Variants in NELL1 observed in about 807,000 individuals in gnomAD.
NELL1 encodes the protein protein kinase C-binding protein NELL1.
A neutral mutation model predicts 107.4 loss-of-function variants in NELL1; 76 were observed. That is an observed-to-expected ratio of 0.71 (90% CI 0.59 to 0.86). NELL1 has a LOEUF of 0.86. Ranked by LOEUF, NELL1 falls within the 40% of genes least tolerant of loss-of-function variation. The pLI, the probability that NELL1 is intolerant of heterozygous loss-of-function variation, is 0.00. For synonymous variants in NELL1, 353 were observed against 341.2 expected (o/e 1.03, Z -0.38); for missense variants, 1,024 against 1,005.5 (o/e 1.02, Z -0.25).
chr11:20,833,466 T>C (rs79304580), intron 3 of NELL1, among the ~76,000 whole-genome samples: 1,525 of 152,320 alleles, frequency 0.01, 15 homozygotes, highest in African/African-American at 0.035. Flanking sequence ...CAGATATTAC[T>C]ATATTTATTC....
Position 20,798,277 on chromosome 11 carries a change from CT to C in NELL1, c.335+14451del, listed in dbSNP as rs527248657. 1.6e-3 allele frequency among the ~76,000 whole-genome samples: 245 copies of C among 152,286 alleles called. 1 individual carries two copies. Among genetic ancestry groups the C allele is most frequent in the Non-Finnish European group, 2.5e-3 (169 of 68,024 alleles). The stretch of plus-strand genomic sequence containing the variant: ...AGAAGAAATGAAGCTGTTCAGATGA[CT>C]TTTGACCTTAATTGAAGCCAAGAAG... On this transcript the variant is annotated intron_variant, in intron 3 of 19. Coordinates refer to ENST00000357134, the MANE Select transcript of NELL1 (RefSeq NM_006157.5).
At chr11:20,718,407 G>A (rs1367377241) in intron 2 of NELL1, among the ~76,000 whole-genome samples, 5 of 151,998 alleles carry the variant, frequency 3.3e-5, no homozygotes, top group Admixed American at 3.3e-4. Context: ...TAGCATATGG[G>A]GAGAAACCAA....
intron 15 of NELL1, among the ~76,000 whole-genome samples, chr11:21,376,262 A>G (rs944462307): frequency 1.3e-5 from 2 of 152,114 alleles, no homozygotes; most frequent in African/African-American, 4.8e-5. Flanking sequence ...ATTCTTGTGC[A>G]TATGGCTAGC....
chr11:21,403,830 T>G (rs4923592), intron 15 of NELL1, among the ~76,000 whole-genome samples: 129,125 of 151,536 alleles, frequency 0.85, 55,320 homozygotes, highest in Middle Eastern at 0.91. Context: ...AAAGCTGGGA[T>G]CCCCATTTCT....
intron 14 of NELL1, among the ~76,000 whole-genome samples, chr11:21,235,598 A>G (rs1858185968): frequency 6.6e-6 from 1 of 152,170 alleles, no homozygotes; most frequent in Admixed American, 6.6e-5. Flanking sequence ...ATGTTACTAT[A>G]TAAGAAATTT....
intron 14 of NELL1, among the ~76,000 whole-genome samples, chr11:21,270,892 T>G (rs1229983268): frequency 3.9e-5 from 6 of 152,118 alleles, no homozygotes; most frequent in Non-Finnish European, 5.9e-5. Context: ...CCAAAATTAT[T>G]GGGGATTAAA....
chr11:21,549,251 C>G (rs1016417257), intron 16 of NELL1, among the ~76,000 whole-genome samples: 1 of 151,772 alleles, frequency 6.6e-6, no homozygotes, highest in Non-Finnish European at 1.5e-5. Flanking sequence ...CAAATTAGAT[C>G]ATGAGTTTGA....
intron 5 of NELL1, among the ~76,000 whole-genome samples, chr11:20,906,234 A>G (rs887014107): frequency 1.3e-5 from 2 of 152,146 alleles, no homozygotes; most frequent in African/African-American, 4.8e-5. Context: ...AACCTAGATG[A>G]AATGGACAAA....
chr11:20,988,877 C>T (rs768102477), intron 12 of NELL1, among the ~76,000 whole-genome samples: 11 of 152,046 alleles, frequency 7.2e-5, no homozygotes, highest in Admixed American at 2.0e-4. Context: ...TATGAGCCAC[C>T]GTGCCCGGCC....
In NELL1 at chr11:20,982,961, G is replaced by T. The variant is rs535408702; in HGVS notation, c.1300+22401G>T. On this transcript the variant is annotated intron_variant, in intron 12 of 19. Coordinates refer to ENST00000357134, the MANE Select transcript of NELL1 (RefSeq NM_006157.5). ...TTTTTCAGATATCTCTTTTATTAGA[G>T]TGTGGTCAGATCTATTTATTACGTT... Among the ~76,000 whole-genome samples, 6 of 152,296 alleles carry T rather than the reference G, an allele frequency of 3.9e-5. No individual in the cohort carries two copies. The South Asian group carries it at 8.3e-4, about 21-fold the overall frequency.
chr11:20,844,365 T>G (rs1848669139), intron 3 of NELL1, among the ~76,000 whole-genome samples: 1 of 152,196 alleles, frequency 6.6e-6, no homozygotes, highest in Non-Finnish European at 1.5e-5. Context: ...ATTTGCAGGA[T>G]GAGCAGACTT....
At chr11:21,367,074 AG>A (rs1372092433) in intron 14 of NELL1, among the ~76,000 whole-genome samples, 1 of 148,988 alleles carries the variant, frequency 6.7e-6, no homozygotes, top group African/African-American at 2.5e-5. Context: ...ATATAAAAAA[AG>A]TACTCTTTCT....
At chr11:21,503,924 C>T (rs59887573) in intron 15 of NELL1, among the ~76,000 whole-genome samples, 6,322 of 152,114 alleles carry the variant, frequency 0.042, 458 homozygotes, top group African/African-American at 0.14. Flanking sequence ...TAGTTCCAAC[C>T]TTGATCTAAT....
At chr11:21,399,532 A>G (rs956641110) in intron 15 of NELL1, among the ~76,000 whole-genome samples, 22 of 151,882 alleles carry the variant, frequency 1.4e-4, no homozygotes, top group African/African-American at 4.3e-4. Flanking sequence ...TTTAAAATAT[A>G]AATAAAAATA....
Position 20,967,286 on chromosome 11 carries a change from G to A in NELL1, c.1300+6726G>A, listed in dbSNP as rs1387404655. 3.9e-5 allele frequency among the ~76,000 whole-genome samples: 6 copies of A among 151,948 alleles called. No homozygotes were observed. The East Asian group carries it at 7.7e-4, about 20-fold the overall frequency. ...AGTTAAGAGATTGTATAGGAGAAAT[G>A]GGCTAGTTTGCTTAATTATGCTTCT... On this transcript the variant is annotated intron_variant, in intron 12 of 19. Coordinates refer to ENST00000357134, the MANE Select transcript of NELL1 (RefSeq NM_006157.5).
intron 3 of NELL1, among the ~76,000 whole-genome samples, chr11:20,800,698 T>A (rs974321755): frequency 5.9e-5 from 9 of 152,124 alleles, no homozygotes. Context: ...ATCTCTAAGA[T>A]GGGTGCAGCA....
At chr11:21,010,043 T>C (rs1186602602) in intron 12 of NELL1, among the ~76,000 whole-genome samples, 1 of 151,334 alleles carries the variant, frequency 6.6e-6, no homozygotes, top group Non-Finnish European at 1.5e-5. Flanking sequence ...AATGGTGGTG[T>C]GAAGGATTTA....
chr11:20,736,088 A>T (rs1855754845), intron 2 of NELL1, among the ~76,000 whole-genome samples: 1 of 152,214 alleles, frequency 6.6e-6, no homozygotes, highest in Non-Finnish European at 1.5e-5. Flanking sequence ...ATACTTGAAG[A>T]TGCAAAGATG....
intron 2 of NELL1, among the ~76,000 whole-genome samples, chr11:20,680,098 C>A (rs918512443): frequency 6.6e-6 from 1 of 152,054 alleles, no homozygotes; most frequent in Non-Finnish European, 1.5e-5. Context: ...TCGCTTATAT[C>A]CCCTGTGATT....
Sources: allele counts gnomAD v4.1 joint callset (sites outside exome capture counted in the v4.1 genomes callset), GRCh38; gene constraint gnomAD v4.1.1; transcripts MANE v1.5; gene names NCBI Gene and HGNC (gene_info 2026-07-23, HGNC 2026-07-21).